Variants in SETD9 observed in about 807,000 individuals in gnomAD.
SETD9 encodes SET domain-containing protein 9.
SETD9 carries 37 observed loss-of-function variants against 36.4 expected under a neutral mutation model. That is an observed-to-expected ratio of 1.02 (90% confidence interval 0.78 to 1.34). The LOEUF (loss-of-function observed/expected upper bound fraction) is 1.34, where lower values mean the gene tolerates loss of function less well. SETD9 is among the 40% of genes most tolerant of loss of function. The pLI is 0.00. For synonymous variants in SETD9, 128 were observed against 132.9 expected, an observed-to-expected ratio of 0.96 and a Z score of 0.26; for missense variants, 323 against 353.2, an observed-to-expected ratio of 0.91 and a Z score of 0.69.
chr5:56,922,783 A>AT, intron 5 of SETD9: 5 of 264,066 alleles, frequency 1.9e-5, no homozygotes, highest in South Asian at 5.6e-5. Context: ...GCCTCTGTCT[A>AT]CAGGTTTTAA....
intron 5 of SETD9, chr5:56,924,057 G>A: frequency 6.3e-7 from 1 of 1,586,354 alleles, no homozygotes; most frequent in East Asian, 2.2e-5. Context: ...TGAAAAAGTT[G>A]AATTTTTAAA....
chr5:56,913,418 C>T (rs1288174190), intron 3 of SETD9, among the ~76,000 whole-genome samples: 1 of 148,754 alleles, frequency 6.7e-6, no homozygotes, highest in African/African-American at 2.5e-5. Context: ...GAGTCTTGCT[C>T]TGTCGCCCAG....
intron 5 of SETD9, among the ~76,000 whole-genome samples, chr5:56,915,336 AAG>A (rs1749371446): frequency 6.6e-6 from 1 of 152,334 alleles, no homozygotes; most frequent in South Asian, 2.1e-4. Context: ...CAATTGAAGA[AAG>A]AGGCCAAATT....
At chr5:56,909,840 G>A in intron 1 of SETD9, 97 bp downstream of exon 1, 2 of 1,053,880 alleles carry the variant, frequency 1.9e-6, no homozygotes, top group Admixed American at 2.6e-5. Context: ...GAGGCTGACT[G>A]CCGGCCTGAG....
At chr5:56,915,377 A>G (rs1279578553) in intron 5 of SETD9, among the ~76,000 whole-genome samples, 1 of 152,222 alleles carries the variant, frequency 6.6e-6, no homozygotes, top group East Asian at 1.9e-4. Flanking sequence ...CAATTTCACT[A>G]TTAGGTTCTT....
downstream of SETD9, among the ~76,000 whole-genome samples, chr5:56,919,126 CT>C (rs34426416): frequency 4.5e-4 from 59 of 132,532 alleles, no homozygotes; most frequent in East Asian, 6.5e-4. Flanking sequence ...TTTGGGACTT[CT>C]TTTTTTTTTT....
Position 56,913,043 on chromosome 5 carries a change from TTCCAGTCCATTGGAAA to T in SETD9, c.503_518del (p.Gln168ArgfsTer36), listed in dbSNP as rs1749229809. ...ATATCAGAAGTATGAGCCGATCTTT[TTCCAGTCCATTGGAAA>T]TCCGTTTATTTTTAGATGCCTGGAT... On this transcript the variant is annotated frameshift_variant, in exon 3 of 6. Coordinates refer to ENST00000285947, the MANE Select transcript of SETD9 (RefSeq NM_153706.4). LOFTEE classifies it high-confidence loss of function. 3.7e-6 allele frequency: 6 copies of T among 1,614,010 alleles called. No homozygotes were observed. Among genetic ancestry groups the T allele is most frequent in the Non-Finnish European group, 5.1e-6 (6 of 1,179,892 alleles).
chr5:56,921,594 T>C (rs773215616), downstream of SETD9: 1 of 152,608 alleles, frequency 6.6e-6, no homozygotes, highest in African/African-American at 2.4e-5. Flanking sequence ...AAGGATGTCA[T>C]TGCAGTTCAC....
chr5:56,916,689 A>G lies in SETD9; in HGVS notation c.813-126A>G, dbSNP rs549376144. On this transcript the variant is annotated intron_variant, in intron 5 of 5. Transcript: ENST00000285947. ...TAAGAACTATTTCCTCATGGAAATC[A>G]AATGCATAAACTAAAATGGAAGGAA... 17 of 865,002 alleles carry G rather than the reference A, an allele frequency of 2.0e-5. No homozygotes were observed. The South Asian group carries it at 3.1e-4, about 16-fold the overall frequency. The allele number at this position is 865,002 out of a possible 1,614,324, so 53.6% of individuals were successfully genotyped here. A position where few individuals can be genotyped will look rare whatever the true frequency, so the allele number is the denominator to read the frequency against.
At chr5:56,925,470 G>T (rs532609271) in exon 6 of SETD9, 8 of 294,504 alleles carry the variant, frequency 2.7e-5, no homozygotes, top group Non-Finnish European at 5.4e-5. Flanking sequence ...CAGCAATGAC[G>T]ATTGAAATTT....
chr5:56,911,231 G>A lies in SETD9; in HGVS notation c.161G>A (p.Gly54Glu). 1 of 1,602,200 alleles carries A rather than the reference G, an allele frequency of 6.2e-7. No homozygotes were observed. The highest frequency in any genetic ancestry group is 1.1e-5 in the South Asian group (1 of 88,866). ...GTTATCTCAGATGAAGATGTCCTAG[G>A]AACATTACTGAAAGTTTTCCAGGCT... ...DKVISDEDVL[G>E]TLLKVFQALF... The change falls in exon 2 of 6, where the codon GGA becomes GAA. Residue 54 changes from glycine (G) to glutamate (E), a missense_variant. Transcript: ENST00000285947.
chr5:56,921,834 C>T (rs1749688341), downstream of SETD9: 1 of 152,620 alleles, frequency 6.6e-6, no homozygotes. Flanking sequence ...CATCCTAATA[C>T]TGTATTACAT....
intron 1 of SETD9, chr5:56,910,105 T>G: frequency 1.6e-6 from 2 of 1,243,436 alleles, no homozygotes; most frequent in Non-Finnish European, 1.0e-6. Context: ...TTCTTCCCTG[T>G]TGCGTTCGGC....
chr5:56,927,222 G>A (rs960810928), downstream of SETD9, among the ~76,000 whole-genome samples: 1 of 151,992 alleles, frequency 6.6e-6, no homozygotes, highest in African/African-American at 2.4e-5. Context: ...CATGAAGAGC[G>A]AACCTTAATG....
intron 1 of SETD9, chr5:56,910,048 G>A: frequency 7.6e-7 from 1 of 1,311,698 alleles, no homozygotes; most frequent in South Asian, 1.6e-5. Flanking sequence ...TGTCCGCTGC[G>A]CTGCCGGGCC....
intron 2 of SETD9, 160 bp downstream of exon 2, chr5:56,911,696 T>C: frequency 1.3e-6 from 1 of 744,708 alleles, no homozygotes; most frequent in Non-Finnish European, 2.0e-6. Flanking sequence ...ATTAACTGTT[T>C]GTAAATTGTT....
chr5:56,916,872 T>A lies in SETD9; in HGVS notation c.870T>A (p.Leu290=), dbSNP rs752664005. 6 of 1,607,682 alleles carry A rather than the reference T, an allele frequency of 3.7e-6. No homozygotes were observed. The South Asian group carries it at 6.8e-5, about 18-fold the overall frequency. Residue 290 remains leucine, a synonymous_variant, in exon 6 of 6, where the codon CTT becomes CTA. Transcript: ENST00000285947. ...GGGACATCAATCAAGGAGAAGAGCT[T>A]TTTTCAAACTACTACACAATTGTCA... ...ALRDINQGEE[L]FSNYYTIVS
intron 1 of SETD9, chr5:56,910,197 T>TG: frequency 8.0e-7 from 1 of 1,251,268 alleles, no homozygotes; most frequent in Non-Finnish European, 1.0e-6. Flanking sequence ...GCGTGGCTTT[T>TG]TCTCCACCAG....
At chr5:56,911,634 G>A in intron 2 of SETD9, 98 bp downstream of exon 2, 1 of 1,259,228 alleles carries the variant, frequency 7.9e-7, no homozygotes, top group Non-Finnish European at 1.0e-6. Flanking sequence ...TAGAGTAAGG[G>A]ATTAAATTGG....
Sources: allele counts gnomAD v4.1 joint callset (sites outside exome capture counted in the v4.1 genomes callset), GRCh38; gene constraint gnomAD v4.1.1; transcripts MANE v1.5; gene names NCBI Gene and HGNC (gene_info 2026-07-23, HGNC 2026-07-21).